DNAAF19: variants seen among roughly 807,000 people sequenced by gnomAD.
DNAAF19 encodes the protein coiled-coil domain containing 103.
At chr17:44,903,396 G>A in the DNAAF19 span, 1 of 1,251,910 alleles carries the variant, frequency 8.0e-7, no homozygotes, top group African/African-American at 1.5e-5. Context: ...CAGATATGCA[G>A]GAGGGTGGGT....
At chr17:44,905,160 A>T in the DNAAF19 span, 2 of 1,047,700 alleles carry the variant, frequency 1.9e-6, no homozygotes, top group African/African-American at 1.6e-5. Context: ...CTGGGTTGGG[A>T]CAGGTGGTAG....
the DNAAF19 span, chr17:44,901,640 T>G: frequency 1.2e-6 from 2 of 1,614,066 alleles, no homozygotes; most frequent in Admixed American, 3.3e-5. Context: ...ATGTGGCCAC[T>G]GAAATCTCCC....
chr17:44,904,844 G>A, the DNAAF19 span: 1 of 1,550,612 alleles, frequency 6.4e-7, no homozygotes, highest in Non-Finnish European at 8.7e-7. Flanking sequence ...CCAGCTGGAT[G>A]ACCGGGGCAT....
At chr17:44,904,618 G>A in the DNAAF19 span, 1 of 1,550,560 alleles carries the variant, frequency 6.4e-7, no homozygotes, top group Non-Finnish European at 8.7e-7. Context: ...TGTCCAAAGT[G>A]GGCAGCCGGC....
At chr17:44,901,680 A>G in the DNAAF19 span, 20 of 1,605,422 alleles carry the variant, frequency 1.2e-5, no homozygotes, top group Non-Finnish European at 1.5e-5. Context: ...CCTTTAGTCC[A>G]GCAGGATTCT....
At chr17:44,903,968 A>G in the DNAAF19 span, 76 of 1,550,622 alleles carry the variant, frequency 4.9e-5, no homozygotes, top group African/African-American at 9.0e-4. Context: ...CCTGGCCGAC[A>G]TGAGCTTTGA....
At chr17:44,903,057 G>C in the DNAAF19 span, 5 of 1,385,796 alleles carry the variant, frequency 3.6e-6, no homozygotes, top group Non-Finnish European at 4.7e-6. Flanking sequence ...GAGCGGTTTT[G>C]TTTCCCACCC....
the DNAAF19 span, chr17:44,901,435 A>G: frequency 4.7e-6 from 7 of 1,501,382 alleles, no homozygotes; most frequent in Non-Finnish European, 5.5e-6. Context: ...TAACAGGTTT[A>G]TCCTATACCA....
the DNAAF19 span, among the ~76,000 whole-genome samples, chr17:44,902,066 C>T: frequency 4.6e-5 from 7 of 152,264 alleles, no homozygotes; most frequent in South Asian, 2.1e-4. Flanking sequence ...CCCATCCACC[C>T]GACTTACAGT....
At chr17:44,904,750 C>G in the DNAAF19 span, 13 of 1,550,520 alleles carry the variant, frequency 8.4e-6, no homozygotes, top group East Asian at 2.4e-5. Context: ...GCCAGCACCT[C>G]TACCGCACAC....
chr17:44,901,534 C>G, the DNAAF19 span: 1 of 1,614,114 alleles, frequency 6.2e-7, no homozygotes, highest in East Asian at 2.2e-5. Flanking sequence ...ATTGTCCTTG[C>G]ATCACATCTG....
the DNAAF19 span, chr17:44,903,125 A>G: frequency 1.6e-6 from 2 of 1,284,936 alleles, no homozygotes; most frequent in East Asian, 5.8e-5. Flanking sequence ...GTGCCCAACC[A>G]AATGCTGGCT....
At chr17:44,901,381 C>A in the DNAAF19 span, 1 of 1,104,804 alleles carries the variant, frequency 9.1e-7, no homozygotes, top group Non-Finnish European at 1.3e-6. Context: ...TGCTTGAAAG[C>A]AGTCAGCTAT....
At chr17:44,901,751 C>G in the DNAAF19 span, 2 of 1,305,592 alleles carry the variant, frequency 1.5e-6, no homozygotes, top group Non-Finnish European at 2.1e-6. Context: ...TTTTTTTAAC[C>G]ACACATACCT....
the DNAAF19 span, chr17:44,900,863 C>T: frequency 2.3e-6 from 2 of 888,144 alleles, no homozygotes; most frequent in Non-Finnish European, 3.3e-6. Context: ...TGTAACACCT[C>T]CCAATCTGAG....
the DNAAF19 span, chr17:44,901,522 G>C: frequency 2.5e-5 from 41 of 1,614,106 alleles, no homozygotes; most frequent in Admixed American, 2.5e-4. Flanking sequence ...GCCTACAGGG[G>C]TATTGTCCTT....
At chr17:44,902,931 C>G in the DNAAF19 span, 3 of 1,434,364 alleles carry the variant, frequency 2.1e-6, no homozygotes, top group Non-Finnish European at 2.7e-6. Context: ...CCCTTCTCAA[C>G]TTGGAATTTT....
chr17:44,903,365 C>G, the DNAAF19 span: 16 of 1,249,372 alleles, frequency 1.3e-5, no homozygotes, highest in Non-Finnish European at 1.6e-5. Context: ...CAGCTCAGGT[C>G]CAGCCAGCCT....
chr17:44,902,694 C>T, the DNAAF19 span: 3 of 1,614,084 alleles, frequency 1.9e-6, no homozygotes, highest in East Asian at 2.2e-5. Flanking sequence ...AAGCCATGGG[C>T]AACCCCAGAT....
Sources: gnomAD v4.1 joint callset for allele counts (sites outside exome capture counted in the v4.1 genomes callset) on GRCh38, gnomAD v4.1.1 for gene constraint, MANE v1.5 for transcripts, NCBI Gene and HGNC (gene_info 2026-07-23, HGNC 2026-07-21) for gene names.